Variants in NDUFA10 observed in about 807,000 individuals in gnomAD.
NDUFA10 encodes NADH:ubiquinone oxidoreductase subunit A10.
A neutral mutation model predicts 47.8 loss-of-function variants in NDUFA10; 40 were observed. That is an observed-to-expected ratio of 0.84 (90% CI 0.65 to 1.09). The LOEUF (loss-of-function observed/expected upper bound fraction) is 1.09, where lower values mean the gene tolerates loss of function less well. Among genes scored for constraint, NDUFA10 ranks in the 50% least tolerant of loss-of-function variants. The probability of loss-of-function intolerance (pLI) is 0.00; values close to 1 mark genes in which losing one functional copy is unlikely to be tolerated. For missense variants in NDUFA10, 413 were observed against 451.1 expected, an observed-to-expected ratio of 0.92 and a Z score of 0.76; for synonymous variants, 183 against 172.2, an observed-to-expected ratio of 1.06 and a Z score of -0.49.
intron 4 of NDUFA10, among the ~76,000 whole-genome samples, chr2:239,905,930 G>A (rs1693647398): frequency 6.6e-6 from 1 of 151,754 alleles, no homozygotes; most frequent in Admixed American, 6.6e-5. Flanking sequence ...CTGCCAAGTG[G>A]AGGCCGGCCT....
intron 4 of NDUFA10, among the ~76,000 whole-genome samples, chr2:239,948,633 C>G (rs2106382712): frequency 6.6e-6 from 1 of 152,330 alleles, no homozygotes; most frequent in South Asian, 2.1e-4. Context: ...CGGATCCTGA[C>G]TCGAGCCTCC....
At chr2:239,995,761 A>G (rs1017594784) in intron 8 of NDUFA10, among the ~76,000 whole-genome samples, 1 of 152,236 alleles carries the variant, frequency 6.6e-6, no homozygotes, top group Non-Finnish European at 1.5e-5. Flanking sequence ...CACCATGCCC[A>G]CACTAATTGA....
Position 239,906,363 on chromosome 2 carries a change from C to T in NDUFA10, c.295-11049G>A, listed in dbSNP as rs149725228. 3.6e-4 allele frequency among the ~76,000 whole-genome samples: 55 copies of T among 152,316 alleles called. No individual in the cohort carries two copies. In the East Asian group the frequency reaches 0.01, roughly 29 times the overall value. On this transcript the variant is annotated intron_variant, in intron 4 of 5. Coordinates refer to the NDUFA10 transcript ENST00000419408. The surrounding 1 kb of genome is among the most constrained non-coding windows in gnomAD (Gnocchi z 4.3). The stretch of plus-strand genomic sequence containing the variant: ...TGTTGATAGACGCCGAGGCCATTTT[C>T]TGGGATACTCAGGGCACCTTCACCT...
At chr2:239,912,368 G>A (rs1355116780) in intron 4 of NDUFA10, among the ~76,000 whole-genome samples, 1 of 152,182 alleles carries the variant, frequency 6.6e-6, no homozygotes, top group Non-Finnish European at 1.5e-5. Flanking sequence ...GGCTGTAGCT[G>A]ATAGTCATCC....
intron 9 of NDUFA10, chr2:239,983,715 T>C (rs1399892360): frequency 6.4e-7 from 1 of 1,566,374 alleles, no homozygotes; most frequent in Non-Finnish European, 8.7e-7. Flanking sequence ...TCCAATCTAA[T>C]CGCTAGAGAA....
chr2:240,004,649 C>CTAGT (rs1696874941), intron 8 of NDUFA10, among the ~76,000 whole-genome samples: 2 of 151,962 alleles, frequency 1.3e-5, no homozygotes, highest in African/African-American at 4.8e-5. Context: ...GCCTCCCCTC[C>CTAGT]CCACACTTTT....
chr2:239,949,641 G>A (rs1397046467), intron 4 of NDUFA10, among the ~76,000 whole-genome samples: 7 of 152,080 alleles, frequency 4.6e-5, no homozygotes, highest in Admixed American at 6.5e-5. Context: ...CAACAGGCGC[G>A]TGCCACCACA....
chr2:239,955,308 T>C (rs1324875536), downstream of NDUFA10, among the ~76,000 whole-genome samples: 2 of 152,158 alleles, frequency 1.3e-5, no homozygotes, highest in Non-Finnish European at 2.9e-5. Flanking sequence ...AATAGACAGC[T>C]ATGCAAGGTC....
intron 4 of NDUFA10, among the ~76,000 whole-genome samples, chr2:239,951,043 G>A (rs894494271): frequency 6.6e-6 from 1 of 152,212 alleles, no homozygotes; most frequent in African/African-American, 2.4e-5. Flanking sequence ...GAAGGGCCCT[G>A]CTTCAGAGGA....
chr2:239,924,349 C>T (rs1574782220), intron 4 of NDUFA10, among the ~76,000 whole-genome samples: 1 of 152,176 alleles, frequency 6.6e-6, no homozygotes, highest in East Asian at 1.9e-4. Context: ...TCATACCCCA[C>T]AATCAAGTGG....
intron 4 of NDUFA10, among the ~76,000 whole-genome samples, chr2:239,917,714 C>A (rs1048943031): frequency 6.6e-6 from 1 of 152,246 alleles, no homozygotes; most frequent in African/African-American, 2.4e-5. Flanking sequence ...TAGCCCACCC[C>A]CTTTTTGAAG....
chr2:239,948,557 C>T (rs774561048), intron 4 of NDUFA10, among the ~76,000 whole-genome samples: 3 of 152,232 alleles, frequency 2.0e-5, no homozygotes, highest in African/African-American at 2.4e-5. Context: ...CAGGCCTGCC[C>T]GAGCAAAGCT....
intron 6 of NDUFA10, among the ~76,000 whole-genome samples, chr2:240,011,114 C>G (rs1472109693): frequency 6.6e-6 from 1 of 151,996 alleles, no homozygotes; most frequent in African/African-American, 2.4e-5. Context: ...GTGCTTTCAA[C>G]AAAGAAAGAA....
intron 4 of NDUFA10, among the ~76,000 whole-genome samples, chr2:239,939,093 G>T (rs1694317067): frequency 6.6e-6 from 1 of 152,196 alleles, no homozygotes; most frequent in Non-Finnish European, 1.5e-5. Flanking sequence ...TAAGCTGGTG[G>T]CCCTGAGCGC....
chr2:239,940,226 A>G lies in NDUFA10; in HGVS notation c.295-44912T>C, dbSNP rs148104481. 2.6e-5 allele frequency among the ~76,000 whole-genome samples: 4 copies of G among 152,374 alleles called. No homozygotes were observed. In the East Asian group the frequency reaches 5.8e-4, roughly 22 times the overall value. On this transcript the variant is annotated intron_variant, in intron 4 of 5. Transcript: ENST00000419408. ...TGACACGTCACAGCTGTGTTCCAAT[A>G]AAGTTTTATTTACAAAAACAGGTGG...
chr2:239,931,869 TC>T (rs1477393660), intron 4 of NDUFA10, among the ~76,000 whole-genome samples: 3 of 124,074 alleles, frequency 2.4e-5, no homozygotes, highest in Non-Finnish European at 3.2e-5. Flanking sequence ...GGAGTCTCGC[TC>T]TGTGGCCCAG....
At chr2:239,986,926 C>A (rs113278482) in intron 9 of NDUFA10, among the ~76,000 whole-genome samples, 13 of 146,380 alleles carry the variant, frequency 8.9e-5, no homozygotes, top group African/African-American at 2.9e-4. Context: ...GAACCATATG[C>A]CAAATATCCC....
intron 4 of NDUFA10, among the ~76,000 whole-genome samples, chr2:239,907,207 T>C (rs34415352): frequency 5.3e-5 from 8 of 152,342 alleles, no homozygotes; most frequent in African/African-American, 7.2e-5. Context: ...GCTAGCCATA[T>C]GTAGAAAGCT....
chr2:239,974,910 A>C (rs58297684), intron 9 of NDUFA10, among the ~76,000 whole-genome samples: 3 of 126,938 alleles, frequency 2.4e-5, no homozygotes, highest in African/African-American at 8.5e-5. Context: ...TCATTTAAAA[A>C]TATGTGACAC....
Sources: allele counts gnomAD v4.1 joint callset (sites outside exome capture counted in the v4.1 genomes callset), GRCh38; gene constraint gnomAD v4.1.1; non-coding constraint Gnocchi (gnomAD v3.1); transcripts MANE v1.5; gene names NCBI Gene and HGNC (gene_info 2026-07-23, HGNC 2026-07-21).